The following PCDH9 variants were observed in gnomAD, a reference collection of about 807,000 sequenced individuals.
PCDH9 encodes the protein protocadherin 9.
A neutral mutation model predicts 70.6 loss-of-function variants in PCDH9; 24 were observed. The ratio of observed to expected loss-of-function variants is 0.34; its 90% CI spans 0.25 to 0.48. The LOEUF (loss-of-function observed/expected upper bound fraction) is 0.48, where lower values mean the gene tolerates loss of function less well. PCDH9 is among the 20% of genes least tolerant of loss of function. The pLI is 0.99. For synonymous variants in PCDH9, 562 were observed against 558.5 expected, an observed-to-expected ratio of 1.01 and a Z score of -0.09; for missense variants, 1,281 against 1,503.6, an observed-to-expected ratio of 0.85 and a Z score of 2.45.
chr13:66,654,198 G>A (rs1171693794), intron 3 of PCDH9, among the ~76,000 whole-genome samples: 1 of 152,058 alleles, frequency 6.6e-6, no homozygotes, highest in African/African-American at 2.4e-5. Flanking sequence ...TATATTAAGT[G>A]AAATAAGCCA....
At chr13:66,406,752 G>A (rs1404005200) in intron 4 of PCDH9, among the ~76,000 whole-genome samples, 2 of 151,974 alleles carry the variant, frequency 1.3e-5, no homozygotes, top group Non-Finnish European at 2.9e-5. Context: ...TAGATGGTGC[G>A]AAAACAAACA....
chr13:66,830,510 C>A (rs1484741186), intron 3 of PCDH9, among the ~76,000 whole-genome samples: 1 of 152,092 alleles, frequency 6.6e-6, no homozygotes, highest in Admixed American at 6.6e-5. Context: ...TGCTTACGTA[C>A]TGGGCACATA....
chr13:66,974,618 C>T (rs541914106), intron 2 of PCDH9, among the ~76,000 whole-genome samples: 90 of 152,062 alleles, frequency 5.9e-4, no homozygotes, highest in African/African-American at 2.0e-3. Context: ...CTGTTTCTTG[C>T]GGTAATTTAT....
chr13:66,473,391 TTC>T (rs1172154823), intron 4 of PCDH9, among the ~76,000 whole-genome samples: 7 of 151,986 alleles, frequency 4.6e-5, no homozygotes, highest in African/African-American at 1.7e-4. Context: ...ATGTTTTTTT[TTC>T]ATTTCCATTG....
chr13:66,583,638 T>A (rs1347090050), intron 4 of PCDH9, among the ~76,000 whole-genome samples: 1 of 152,040 alleles, frequency 6.6e-6, no homozygotes, highest in Non-Finnish European at 1.5e-5. Flanking sequence ...AATAAAACTC[T>A]TTGAAATAGT....
chr13:66,936,737 A>G (rs2082921921), intron 2 of PCDH9, among the ~76,000 whole-genome samples: 1 of 152,196 alleles, frequency 6.6e-6, no homozygotes, highest in Admixed American at 6.5e-5. Context: ...AAAGACACAT[A>G]AGTTTGAATT....
Position 66,849,695 on chromosome 13 carries a change from G to A in PCDH9, c.3138+53809C>T, listed in dbSNP as rs143395896. Among the ~76,000 whole-genome samples the A allele has an allele frequency of 6.0e-4, 92 of 152,162 alleles. 1 individual carries two copies. The highest frequency in any genetic ancestry group is 2.2e-3 in the African/African-American group (90 of 41,510). On this transcript the variant is annotated intron_variant, in intron 3 of 4. Transcript: ENST00000377865. ...ATTAAGTCATTTGAAGAAGGCAAAG[G>A]AGCAGAAATCAGAGGTGTGTAATTG...
rs147564380 is a variant in PCDH9, at chr13:66,915,567, G to T, written c.3037-11962C>A. ...TCATTATGGCAAGATGTTGTTTAAAGTAATCCTACAATCCAGAATATTTTG... is the reference window on the plus strand; with the variant it reads ...TCATTATGGCAAGATGTTGTTTAAATTAATCCTACAATCCAGAATATTTTG... On this transcript the variant is annotated intron_variant, in intron 2 of 4. Transcript: ENST00000377865. 1.1e-3 allele frequency among the ~76,000 whole-genome samples: 168 copies of T among 151,730 alleles called. 1 individual carries two copies. The highest frequency in any genetic ancestry group is 3.8e-3 in the African/African-American group (158 of 41,438).
At chr13:66,670,629 G>A (rs190604352) in intron 3 of PCDH9, among the ~76,000 whole-genome samples, 1 of 152,074 alleles carries the variant, frequency 6.6e-6, no homozygotes, top group Non-Finnish European at 1.5e-5. Flanking sequence ...GAAGTGTAAG[G>A]AAAGATGAAA....
At chr13:67,042,532 C>T (rs1463609471) in intron 2 of PCDH9, among the ~76,000 whole-genome samples, 3 of 152,074 alleles carry the variant, frequency 2.0e-5, no homozygotes, top group Non-Finnish European at 4.4e-5. Context: ...CAAAACTGGC[C>T]ATGGGTTATC....
chr13:67,206,041 A>G (rs575731250), intron 2 of PCDH9: 2 of 152,078 alleles, frequency 1.3e-5, no homozygotes, highest in Non-Finnish European at 2.9e-5. Flanking sequence ...GGGTCTCGCT[A>G]TGTTGTCTAG....
chr13:66,823,425 A>G (rs2080751245), intron 3 of PCDH9, among the ~76,000 whole-genome samples: 1 of 151,748 alleles, frequency 6.6e-6, no homozygotes, highest in East Asian at 1.9e-4. Flanking sequence ...ATAAAGATAA[A>G]TTATATTATA....
intron 4 of PCDH9, among the ~76,000 whole-genome samples, chr13:66,381,091 A>G (rs1956840598): frequency 6.6e-6 from 1 of 152,178 alleles, no homozygotes; most frequent in African/African-American, 2.4e-5. Flanking sequence ...GAGAGTTTGA[A>G]ATTATATTTC....
At chr13:66,554,255 T>C (rs1402176681) in intron 4 of PCDH9, among the ~76,000 whole-genome samples, 1 of 152,176 alleles carries the variant, frequency 6.6e-6, no homozygotes, top group African/African-American at 2.4e-5. Flanking sequence ...GCCACATACT[T>C]ATTTTCTAGT....
intron 4 of PCDH9, among the ~76,000 whole-genome samples, chr13:66,362,156 T>A (rs1956481976): frequency 6.6e-6 from 1 of 152,156 alleles, no homozygotes; most frequent in Non-Finnish European, 1.5e-5. Flanking sequence ...TATTAGCTTT[T>A]GATAAAATTG....
chr13:66,523,841 T>C (rs1312034637), intron 4 of PCDH9, among the ~76,000 whole-genome samples: 2 of 152,138 alleles, frequency 1.3e-5, no homozygotes, highest in East Asian at 3.8e-4. Context: ...TTTATGATTT[T>C]TATAAATGTA....
chr13:66,883,730 T>C (rs1215842358), intron 3 of PCDH9, among the ~76,000 whole-genome samples: 1 of 152,122 alleles, frequency 6.6e-6, no homozygotes, highest in Non-Finnish European at 1.5e-5. Flanking sequence ...GTGTTAGGAT[T>C]TTGTGTTTGT....
intron 2 of PCDH9, among the ~76,000 whole-genome samples, chr13:67,140,025 A>ACCCAC (rs2087335987): frequency 1.5e-5 from 1 of 65,938 alleles, no homozygotes. Flanking sequence ...TTTTTTGATC[A>ACCCAC]CCCCCCCCCC....
rs553549139 is a variant in PCDH9, at chr13:66,968,563, A to C, written c.3037-64958T>G. On this transcript the variant is annotated intron_variant, in intron 2 of 4. Coordinates refer to ENST00000377865, the MANE Select transcript of PCDH9 (RefSeq NM_203487.3). ...GAGGACCTTATTTCATGCTGATGGC[A>C]CAGGTATATTGTTTCCATTGGTTAA... Among the ~76,000 whole-genome samples, 5 of 152,156 alleles carry C rather than the reference A, an allele frequency of 3.3e-5. No individual in the cohort carries two copies. In the South Asian group the frequency reaches 1.0e-3, roughly 32 times the overall value.
Sources: gnomAD v4.1 joint callset for allele counts (sites outside exome capture counted in the v4.1 genomes callset) on GRCh38, gnomAD v4.1.1 for gene constraint, MANE v1.5 for transcripts, NCBI Gene and HGNC (gene_info 2026-07-23, HGNC 2026-07-21) for gene names.